Variants in GLIS3 observed in about 807,000 individuals in gnomAD.
GLIS3 encodes the protein GLIS family zinc finger 3, also known as zinc finger protein GLIS3.
Under a neutral mutation model 78.6 loss-of-function variants are expected in GLIS3, and 53 were observed. The ratio of observed to expected loss-of-function variants is 0.67; its 90% CI spans 0.54 to 0.85. The LOEUF (loss-of-function observed/expected upper bound fraction) is 0.85, where lower values mean the gene tolerates loss of function less well. Ranked by LOEUF, GLIS3 falls within the 40% of genes least tolerant of loss-of-function variation. The pLI is 0.00. For missense variants in GLIS3, 1,703 were observed against 1,231.1 expected (o/e 1.38, Z -5.74); for synonymous variants, 684 against 509.9 (o/e 1.34, Z -4.60).
At chr9:4,269,637 T>A (rs142742523) in intron 2 of GLIS3, among the ~76,000 whole-genome samples, 1 of 152,368 alleles carries the variant, frequency 6.6e-6, no homozygotes, top group African/African-American at 2.4e-5. Flanking sequence ...AGTATTTTCA[T>A]ATTTAAATGC....
intron 2 of GLIS3, among the ~76,000 whole-genome samples, chr9:4,164,482 G>C (rs1351411237): frequency 1.3e-5 from 2 of 152,170 alleles, no homozygotes; most frequent in African/African-American, 4.8e-5. Flanking sequence ...CCAGAGAGTA[G>C]CACGGAGACG....
At chr9:4,004,894 G>A (rs1821416350) in intron 4 of GLIS3, among the ~76,000 whole-genome samples, 1 of 152,100 alleles carries the variant, frequency 6.6e-6, no homozygotes, top group South Asian at 2.1e-4. Context: ...ATTATATATT[G>A]TTTCAACAAT....
upstream of GLIS3, among the ~76,000 whole-genome samples, chr9:4,352,030 C>G (rs188654965): frequency 7.3e-4 from 111 of 152,304 alleles, no homozygotes; most frequent in Non-Finnish European, 1.4e-3. Context: ...TTTCTAAAAT[C>G]TCTTTCTTTT....
At chr9:4,485,335 T>C in the GLIS3 span, among the ~76,000 whole-genome samples, 8 of 152,084 alleles carry the variant, frequency 5.3e-5, no homozygotes, top group Non-Finnish European at 1.2e-4. Flanking sequence ...TCTTCTGAGA[T>C]GTTTTTCAGA....
chr9:4,392,744 C>T, the GLIS3 span, among the ~76,000 whole-genome samples: 9 of 152,202 alleles, frequency 5.9e-5, no homozygotes, highest in Non-Finnish European at 1.2e-4. Flanking sequence ...TTATTTGCTT[C>T]TGCTATCACC....
chr9:4,121,620 GACACACACACACAC>G (rs767610111), intron 3 of GLIS3, among the ~76,000 whole-genome samples: 17 of 142,212 alleles, frequency 1.2e-4, no homozygotes, highest in South Asian at 6.9e-4. Flanking sequence ...TTCTCCCAGT[GACACACACACACAC>G]ACACACACAC....
intron 2 of GLIS3, among the ~76,000 whole-genome samples, chr9:4,133,989 T>A (rs1833198524): frequency 6.6e-6 from 1 of 152,156 alleles, no homozygotes; most frequent in Non-Finnish European, 1.5e-5. Context: ...TACTTCGAAC[T>A]AAGGTGTCAG....
At chr9:3,918,131 A>T (rs1274187785) in intron 6 of GLIS3, among the ~76,000 whole-genome samples, 1 of 152,208 alleles carries the variant, frequency 6.6e-6, no homozygotes, top group South Asian at 2.1e-4. Flanking sequence ...ATGTCTTTCA[A>T]ATATCCATGT....
At chr9:3,887,556 C>T (rs1464734541) in intron 7 of GLIS3, among the ~76,000 whole-genome samples, 1 of 152,126 alleles carries the variant, frequency 6.6e-6, no homozygotes, top group Non-Finnish European at 1.5e-5. Flanking sequence ...CAGATATTCC[C>T]CCATGAGCTC....
intron 2 of GLIS3, among the ~76,000 whole-genome samples, chr9:4,345,691 G>A (rs529433799): frequency 6.6e-6 from 1 of 152,258 alleles, no homozygotes; most frequent in African/African-American, 2.4e-5. Flanking sequence ...TCATTTTCCA[G>A]AGTAGAATGT....
In GLIS3 at chr9:4,022,853, G is replaced by T. The variant is rs533975217; in HGVS notation, c.1711-85664C>A. ...ACACTATATGATACCATTTATTCTA[G>T]AAAATGCAAACTAATCTACAGTGAC... On this transcript the variant is annotated intron_variant, in intron 4 of 10. Transcript: ENST00000381971. 5.3e-5 allele frequency among the ~76,000 whole-genome samples: 8 copies of T among 152,294 alleles called. No homozygotes were observed. The East Asian group carries it at 1.5e-3, about 29-fold the overall frequency.
chr9:4,271,612 C>G (rs1332832247), intron 2 of GLIS3, among the ~76,000 whole-genome samples: 2 of 152,168 alleles, frequency 1.3e-5, no homozygotes, highest in Non-Finnish European at 2.9e-5. Context: ...TGGCTGTACA[C>G]CCTCCTCTTA....
intron 4 of GLIS3, among the ~76,000 whole-genome samples, chr9:4,075,257 T>C (rs778120096): frequency 5.3e-5 from 8 of 151,974 alleles, no homozygotes; most frequent in Non-Finnish European, 1.2e-4. Context: ...GTAAGATTTA[T>C]TGAAAGCTTA....
At chr9:4,389,258 T>G in the GLIS3 span, among the ~76,000 whole-genome samples, 2 of 152,208 alleles carry the variant, frequency 1.3e-5, no homozygotes, top group Non-Finnish European at 2.9e-5. Context: ...AGGGCTAATT[T>G]CGAAATCAAT....
intron 7 of GLIS3, among the ~76,000 whole-genome samples, chr9:3,891,996 A>C (rs1822487627): frequency 6.6e-6 from 1 of 152,182 alleles, no homozygotes; most frequent in African/African-American, 2.4e-5. Flanking sequence ...CACTCCTAGA[A>C]GGTAGAAAAA....
At chr9:4,272,851 C>T (rs897068367) in intron 2 of GLIS3, among the ~76,000 whole-genome samples, 9 of 152,164 alleles carry the variant, frequency 5.9e-5, no homozygotes, top group Non-Finnish European at 1.0e-4. Context: ...CTGGTTCAGC[C>T]AGGATAGTCC....
In GLIS3 at chr9:4,156,974, G is replaced by T. The variant is rs538797370; in HGVS notation, c.389-31033C>A. ...TACCGAATCAGAAACCTGGGGGTAG[G>T]GTCAACCCATTGGCATTTTCAACAC... On this transcript the variant is annotated intron_variant, in intron 2 of 10. Transcript: ENST00000381971. Among the ~76,000 whole-genome samples, 4 of 152,232 alleles carry T rather than the reference G, an allele frequency of 2.6e-5. No individual in the cohort carries two copies. The East Asian group carries it at 7.7e-4, about 29-fold the overall frequency.
intron 4 of GLIS3, among the ~76,000 whole-genome samples, chr9:4,066,189 G>A (rs1407527694): frequency 6.6e-6 from 1 of 152,092 alleles, no homozygotes; most frequent in East Asian, 1.9e-4. Flanking sequence ...TTGTTTGTAG[G>A]TAAGGCTAAC....
chr9:4,351,440 A>G (rs1048085006), upstream of GLIS3, among the ~76,000 whole-genome samples: 8 of 151,188 alleles, frequency 5.3e-5, no homozygotes, highest in Non-Finnish European at 1.0e-4. Context: ...AATCTTTTAC[A>G]TATCTCATAA....
Sources: allele counts gnomAD v4.1 joint callset (sites outside exome capture counted in the v4.1 genomes callset), GRCh38; gene constraint gnomAD v4.1.1; transcripts MANE v1.5; gene names NCBI Gene and HGNC (gene_info 2026-07-23, HGNC 2026-07-21).